The following DST variants were observed in gnomAD, a reference collection of about 807,000 sequenced individuals.
DST encodes the protein dystonin, also known as bullous pemphigoid antigen.
Under a neutral mutation model 875.2 loss-of-function variants are expected in DST, and 253 were observed. The observed-to-expected ratio is 0.29, with a 90% CI of 0.26 to 0.32. The LOEUF (loss-of-function observed/expected upper bound fraction) is 0.32, where lower values mean the gene tolerates loss of function less well. Among genes scored for constraint, DST ranks in the 10% least tolerant of loss-of-function variants. The pLI, the probability that DST is intolerant of heterozygous loss-of-function variation, is 1.00. For synonymous variants in DST, 3,124 were observed against 3,197.1 expected (o/e 0.98, Z 0.77); for missense variants, 8,287 against 9,111.6 (o/e 0.91, Z 3.68).
intron 12 of DST, among the ~76,000 whole-genome samples, chr6:56,650,325 C>CAAAAAAAAAAAAAAAAA (rs70989721): frequency 2.1e-5 from 1 of 48,700 alleles, no homozygotes; most frequent in African/African-American, 7.8e-5. Context: ...CATAACCACC[C>CAAAAAAAAAAAAAAAAA]AAAAAAAAAA....
At chr6:56,594,522 T>C (rs2098338058) in intron 47 of DST, among the ~76,000 whole-genome samples, 1 of 152,224 alleles carries the variant, frequency 6.6e-6, no homozygotes, top group African/African-American at 2.4e-5. Flanking sequence ...GATCTCATTT[T>C]ATTCCCTGCT....
chr6:56,903,940 T>C (rs1422247597), intron 2 of DST, among the ~76,000 whole-genome samples: 1 of 152,218 alleles, frequency 6.6e-6, no homozygotes, highest in Non-Finnish European at 1.5e-5. Flanking sequence ...CTGCAGCCAC[T>C]ATCTGGGTTC....
At chr6:56,699,446 C>A (rs577385293) in intron 9 of DST, among the ~76,000 whole-genome samples, 11 of 152,148 alleles carry the variant, frequency 7.2e-5, no homozygotes, top group Non-Finnish European at 1.5e-4. Flanking sequence ...GTCTTTAAAA[C>A]TACATTTAAG....
chr6:56,675,205 T>C (rs1563612479), intron 9 of DST, among the ~76,000 whole-genome samples: 1 of 152,120 alleles, frequency 6.6e-6, no homozygotes, highest in East Asian at 1.9e-4. Flanking sequence ...GATATCCACA[T>C]AAAGAAGAAT....
intron 27 of DST, among the ~76,000 whole-genome samples, 162 bp from the exon 28 acceptor site, chr6:56,633,199 T>TTTTG (rs2098796060): frequency 6.6e-6 from 1 of 151,502 alleles, no homozygotes; most frequent in African/African-American, 2.5e-5. Flanking sequence ...TAGGTGGTTT[T>TTTTG]TTTTTGTTTT....
chr6:56,848,270 C>T (rs907677787), intron 4 of DST, among the ~76,000 whole-genome samples: 2 of 152,132 alleles, frequency 1.3e-5, no homozygotes, highest in African/African-American at 4.8e-5. Context: ...ATCCCACAGA[C>T]CACATAGTCT....
intron 15 of DST, among the ~76,000 whole-genome samples, chr6:56,643,295 T>C (rs2098923115): frequency 6.6e-6 from 1 of 152,168 alleles, no homozygotes; most frequent in South Asian, 2.1e-4. Flanking sequence ...CAGCTAGAAA[T>C]TATGAAGTAC....
Position 56,604,831 on chromosome 6 carries a change from T to C in DST, c.9797A>G (p.Glu3266Gly), listed in dbSNP as rs771562411. ...GGTEISQFTP[E>G]SIEATLSILS... ...TATTGAAAGTGTGGCTTCAATACTTTCTGGTGTGAACTGAGAAATTTCTGT... is the reference window on the plus strand; with the variant it reads ...TATTGAAAGTGTGGCTTCAATACTTCCTGGTGTGAACTGAGAAATTTCTGT... Residue 3266 changes from glutamate to glycine, a missense_variant, in exon 40 of 104, where the codon GAA becomes GGA. Glu to Gly is a moderately conservative substitution (Grantham distance 98). Transcript: ENST00000680361. 3.1e-6 allele frequency: 5 copies of C among 1,612,876 alleles called. No homozygotes were observed. In the South Asian group the frequency reaches 5.5e-5, roughly 18 times the overall value.
chr6:56,561,335 A>G lies in DST; in HGVS notation c.14283T>C (p.Ala4761=). 1 of 1,613,550 alleles carries G rather than the reference A, an allele frequency of 6.2e-7. No homozygotes were observed. Among genetic ancestry groups the G allele is most frequent in the Non-Finnish European group, 8.5e-7 (1 of 1,179,656 alleles). The change falls in exon 57 of 104, where the codon GCT becomes GCC. Residue 4761 remains alanine, a synonymous_variant. Transcript: ENST00000680361. ...QQTPAPTDTE[A]VKTQVEQNKS... Reference sequence around the variant, plus strand: ...TATTCTGCTCAACTTGAGTCTTCACAGCTTCAGTATCTGTAGGTGCAGGTG... The same window carrying G: ...TATTCTGCTCAACTTGAGTCTTCACGGCTTCAGTATCTGTAGGTGCAGGTG...
At chr6:56,915,767 G>A (rs1037734955) in intron 2 of DST, among the ~76,000 whole-genome samples, 2 of 152,128 alleles carry the variant, frequency 1.3e-5, no homozygotes, top group Non-Finnish European at 2.9e-5. Context: ...ACACAAGAGA[G>A]GACAAGAAGA....
chr6:56,597,166 G>A (rs1249147136), intron 47 of DST, among the ~76,000 whole-genome samples: 2 of 151,986 alleles, frequency 1.3e-5, no homozygotes, highest in African/African-American at 2.4e-5. Context: ...ATTGGGCCAG[G>A]GAGTTTGAGG....
At chr6:56,786,601 G>A (rs1376239014) in intron 4 of DST, among the ~76,000 whole-genome samples, 5 of 152,062 alleles carry the variant, frequency 3.3e-5, no homozygotes, top group African/African-American at 1.2e-4. Context: ...GGCACAATCT[G>A]GGCTAACTGC....
chr6:56,480,766 G>T (rs896219229), intron 90 of DST, among the ~76,000 whole-genome samples: 1 of 152,130 alleles, frequency 6.6e-6, no homozygotes, highest in Non-Finnish European at 1.5e-5. Flanking sequence ...TCCTGGTCCT[G>T]GTGTGAGAGT....
intron 95 of DST, among the ~76,000 whole-genome samples, chr6:56,470,877 C>T (rs1030513161): frequency 3.3e-5 from 5 of 150,144 alleles, no homozygotes; most frequent in African/African-American, 1.2e-4. Context: ...AACAAGTTCT[C>T]AGCCTCAGTG....
At chr6:56,759,211 G>A (rs2099611536) in intron 4 of DST, among the ~76,000 whole-genome samples, 1 of 152,214 alleles carries the variant, frequency 6.6e-6, no homozygotes, top group Non-Finnish European at 1.5e-5. Context: ...AGCACTCTGG[G>A]AGGCCGAAGT....
At chr6:56,894,636 G>A (rs1445462868) in intron 3 of DST, among the ~76,000 whole-genome samples, 1 of 47,594 alleles carries the variant, frequency 2.1e-5, no homozygotes, top group African/African-American at 1.6e-4. Flanking sequence ...CTCCCGGACG[G>A]GGCGGCTGGC....
chr6:56,897,185 A>G (rs1169229061), intron 3 of DST, among the ~76,000 whole-genome samples: 2 of 151,978 alleles, frequency 1.3e-5, no homozygotes, highest in African/African-American at 4.8e-5. Context: ...ACATGTGGCT[A>G]GCCCAAACTT....
rs1323780477 is a variant in DST, at chr6:56,552,238, T to C, written c.16554A>G (p.Gln5518=). 3.7e-6 allele frequency: 6 copies of C among 1,613,914 alleles called. No homozygotes were observed. The highest frequency in any genetic ancestry group is 5.1e-6 in the Non-Finnish European group (6 of 1,179,894). Reference sequence around the variant, plus strand: ...TCTCCGTTTCCATACCAACAGGACCTTGTGACTCTTCATGTTCTTCGGCTT... The same window carrying C: ...TCTCCGTTTCCATACCAACAGGACCCTGTGACTCTTCATGTTCTTCGGCTT... The part of the protein sequence containing the change: ...LQKAEEHEES[Q]GPVGMETETI... Residue 5518 remains glutamine (Q), a synonymous_variant, in exon 61 of 104, where the codon CAA becomes CAG. Coordinates refer to ENST00000680361, the MANE Select transcript of DST (RefSeq NM_001374736.1).
In DST at chr6:56,503,629, C is replaced by CACACA. The variant is rs1457089172; in HGVS notation, c.19566+367_19566+368insTGTGT. On this transcript the variant is annotated intron_variant, in intron 78 of 103. Transcript: ENST00000680361. ...CACACACACACACACACACACACAC[C>CACACA]CCATGTCCCTAACATGAAGATATCA... Among the ~76,000 whole-genome samples the CACACA allele has an allele frequency of 4.7e-5, 3 of 64,164 alleles. No homozygotes were observed. The South Asian group carries it at 1.4e-3, about 31-fold the overall frequency. The allele number at this position is 64,164 out of a possible 152,430, so 42.1% of individuals were successfully genotyped here. A position where few individuals can be genotyped will look rare whatever the true frequency, so the allele number is the denominator to read the frequency against.
Sources: allele counts gnomAD v4.1 joint callset (sites outside exome capture counted in the v4.1 genomes callset), GRCh38; gene constraint gnomAD v4.1.1; transcripts MANE v1.5; gene names NCBI Gene and HGNC (gene_info 2026-07-23, HGNC 2026-07-21).